Variants in ATL2 observed in about 807,000 individuals in gnomAD.
ATL2 encodes atlastin-2.
A neutral mutation model predicts 73.9 loss-of-function variants in ATL2; 31 were observed. The observed-to-expected ratio is 0.42, with a 90% CI of 0.32 to 0.57. The LOEUF (loss-of-function observed/expected upper bound fraction) is 0.57, where lower values mean the gene tolerates loss of function less well. Ranked by LOEUF, ATL2 falls within the 20% of genes least tolerant of loss-of-function variation. The pLI, the probability that ATL2 is intolerant of heterozygous loss-of-function variation, is 0.14. For missense variants in ATL2, 738 were observed against 702.6 expected (o/e 1.05, Z -0.57); for synonymous variants, 291 against 237.5 (o/e 1.23, Z -2.07).
At chr2:38,365,566 G>A (rs1208735663) in intron 1 of ATL2, among the ~76,000 whole-genome samples, 2 of 152,106 alleles carry the variant, frequency 1.3e-5, no homozygotes, top group Admixed American at 6.5e-5. Context: ...CAAGGTGGGT[G>A]AATCACGAGG....
chr2:38,367,138 C>G (rs1266418960), intron 1 of ATL2, among the ~76,000 whole-genome samples: 1 of 151,910 alleles, frequency 6.6e-6, no homozygotes, highest in African/African-American at 2.4e-5. Context: ...ATCTTTTAAT[C>G]TTAGAACTTT....
intron 1 of ATL2, among the ~76,000 whole-genome samples, chr2:38,368,497 C>A (rs959985604): frequency 1.3e-5 from 2 of 152,168 alleles, no homozygotes; most frequent in African/African-American, 4.8e-5. Context: ...GGTGATCCGC[C>A]CGCCTTGGCC....
chr2:38,319,627 G>A (rs1188844548), intron 2 of ATL2, among the ~76,000 whole-genome samples: 1 of 151,290 alleles, frequency 6.6e-6, no homozygotes, highest in African/African-American at 2.4e-5. Context: ...GAGAGAGAGA[G>A]AGAGAGACAG....
At chr2:38,337,140 G>A (rs573231364) in intron 2 of ATL2, among the ~76,000 whole-genome samples, 18 of 151,842 alleles carry the variant, frequency 1.2e-4, no homozygotes, top group Non-Finnish European at 2.5e-4. Context: ...ACACTTTGAA[G>A]ACAACCAATC....
chr2:38,377,115 C>CTG, intron 1 of ATL2, 28 bp downstream of exon 1: 1 of 1,600,768 alleles, frequency 6.2e-7, no homozygotes, highest in Non-Finnish European at 8.5e-7. Flanking sequence ...CATCAGGGCC[C>CTG]CGCGGCCTCT....
At chr2:38,359,854 G>A (rs1380226710) in intron 1 of ATL2, among the ~76,000 whole-genome samples, 2 of 152,050 alleles carry the variant, frequency 1.3e-5, no homozygotes, top group East Asian at 1.9e-4. Context: ...TTGGCCGGGC[G>A]CGGTGGCTCA....
At chr2:38,334,815 AT>A (rs1163735993) in intron 2 of ATL2, among the ~76,000 whole-genome samples, 1 of 102,330 alleles carries the variant, frequency 9.8e-6, no homozygotes, top group African/African-American at 3.0e-5. Context: ...TATAGTTTCA[AT>A]AATAATATTC....
chr2:38,317,898 T>C (rs17022570), intron 4 of ATL2, among the ~76,000 whole-genome samples: 8,829 of 152,226 alleles, frequency 0.058, 862 homozygotes, highest in African/African-American at 0.2. Flanking sequence ...AAATTTCACA[T>C]CATAAGCCAG....
chr2:38,325,748 ACACACACACAC>A (rs1668618836), intron 2 of ATL2, among the ~76,000 whole-genome samples: 1 of 141,104 alleles, frequency 7.1e-6, no homozygotes, highest in Non-Finnish European at 1.6e-5. Context: ...ACACACACAC[ACACACACACAC>A]ACCAGTCCCC....
intron 5 of ATL2, 134 bp downstream of exon 5, chr2:38,315,150 C>T (rs936704733): frequency 1.8e-5 from 16 of 883,942 alleles, no homozygotes; most frequent in East Asian, 1.2e-4. Context: ...ACTTGGGAGG[C>T]TGAGGCAGGA....
chr2:38,374,434 C>T lies in ATL2; in HGVS notation c.118+2709G>A, dbSNP rs530335503. Among the ~76,000 whole-genome samples the T allele has an allele frequency of 2.0e-5, 3 of 152,290 alleles. No individual in the cohort carries two copies. In the East Asian group the frequency reaches 5.8e-4, roughly 29 times the overall value. On this transcript the variant is annotated intron_variant, in intron 1 of 12. Coordinates refer to ENST00000378954, the MANE Select transcript of ATL2 (RefSeq NM_001135673.4). ...TCTACAAAATCAGAATACCATTACA[C>T]GTTAAAAACAAGAAAGAAAAGAAGA... is the stretch of plus-strand genomic sequence containing the variant.
At chr2:38,306,668 G>C (rs887962833) in intron 9 of ATL2, among the ~76,000 whole-genome samples, 1 of 152,166 alleles carries the variant, frequency 6.6e-6, no homozygotes, top group African/African-American at 2.4e-5. Context: ...CATTTCAATT[G>C]ATGCTGAAAA....
chr2:38,371,863 C>T (rs951124142), intron 1 of ATL2, among the ~76,000 whole-genome samples: 1 of 152,176 alleles, frequency 6.6e-6, no homozygotes, highest in African/African-American at 2.4e-5. Context: ...CGCCACTGTA[C>T]TCCAGCCTGG....
intron 7 of ATL2, among the ~76,000 whole-genome samples, chr2:38,312,377 A>G (rs1444223651): frequency 2.0e-5 from 3 of 148,054 alleles, no homozygotes; most frequent in Non-Finnish European, 4.4e-5. Context: ...AGTATGTGGC[A>G]CTTCCCCCTT....
At chr2:38,347,634 A>C (rs911661648) in intron 1 of ATL2, among the ~76,000 whole-genome samples, 3 of 152,194 alleles carry the variant, frequency 2.0e-5, no homozygotes, top group Admixed American at 6.5e-5. Flanking sequence ...TAAGGATCCC[A>C]ATCACCCTGT....
intron 1 of ATL2, among the ~76,000 whole-genome samples, chr2:38,351,694 C>A (rs115093260): frequency 0.012 from 1,876 of 152,070 alleles, 26 homozygotes; most frequent in South Asian, 0.03. Flanking sequence ...TGGGGTTTCA[C>A]CTTGATCAGG....
intron 1 of ATL2, among the ~76,000 whole-genome samples, chr2:38,349,297 GA>G: frequency 6.6e-6 from 1 of 152,060 alleles, no homozygotes; most frequent in East Asian, 1.9e-4. Context: ...TGATAGACTG[GA>G]TTAAGAAAAT....
Position 38,295,202 on chromosome 2 carries a change from G to A in ATL2, c.*792C>T, listed in dbSNP as rs925925642. ...CAAAATCGTATTTATATATTTATAA[G>A]TCATATACATGCCCTATCTGTGATT... is the stretch of plus-strand genomic sequence containing the variant. On this transcript the variant is annotated 3_prime_UTR_variant, in exon 13 of 13. Transcript: ENST00000378954. The A allele has an allele frequency of 1.1e-4, 16 of 152,010 alleles. 1 individual carries two copies. Among genetic ancestry groups the A allele is most frequent in the African/African-American group, 3.9e-4 (16 of 41,378 alleles). The allele number at this position is 152,010 out of a possible 1,614,324, so 9.4% of individuals were successfully genotyped here.
At chr2:38,320,300 G>A (rs188392663) in intron 2 of ATL2, among the ~76,000 whole-genome samples, 1 of 151,736 alleles carries the variant, frequency 6.6e-6, no homozygotes, top group Non-Finnish European at 1.5e-5. Flanking sequence ...ACTGTGGTTA[G>A]GAAAAAAAAG....
Sources: allele counts gnomAD v4.1 joint callset (sites outside exome capture counted in the v4.1 genomes callset), GRCh38; gene constraint gnomAD v4.1.1; transcripts MANE v1.5; gene names NCBI Gene and HGNC (gene_info 2026-07-23, HGNC 2026-07-21).